ZNF777: variants seen among roughly 807,000 people sequenced by gnomAD.
ZNF777 encodes zinc finger protein 777.
A neutral mutation model predicts 72.1 loss-of-function variants in ZNF777; 7 were observed. That is an observed-to-expected ratio of 0.10 (90% confidence interval 0.06 to 0.18). The LOEUF (loss-of-function observed/expected upper bound fraction) is 0.18, where lower values mean the gene tolerates loss of function less well. Among genes scored for constraint, ZNF777 ranks in the 10% least tolerant of loss-of-function variants. The probability of loss-of-function intolerance (pLI) is 1.00; values close to 1 mark genes in which losing one functional copy is unlikely to be tolerated. For synonymous variants in ZNF777, 545 were observed against 483.5 expected (o/e 1.13, Z -1.67); for missense variants, 828 against 1,128.6 (o/e 0.73, Z 3.82).
chr7:149,437,420 C>T (rs1799432945), intron 4 of ZNF777, among the ~76,000 whole-genome samples: 2 of 152,202 alleles, frequency 1.3e-5, no homozygotes, highest in Non-Finnish European at 2.9e-5. Context: ...TCCCACCCTT[C>T]GGCCCCATAC....
chr7:149,448,776 G>A (rs529701089), intron 4 of ZNF777, among the ~76,000 whole-genome samples: 1 of 151,734 alleles, frequency 6.6e-6, no homozygotes, highest in African/African-American at 2.4e-5. Context: ...ATGGTGCCTG[G>A]CTTCTCTGGC....
intron 4 of ZNF777, among the ~76,000 whole-genome samples, chr7:149,442,598 C>T (rs996095671): frequency 1.3e-5 from 2 of 149,510 alleles, no homozygotes; most frequent in Non-Finnish European, 3.0e-5. Context: ...CCAGCCTGGG[C>T]AACAGAGTGA....
chr7:149,439,457 A>G (rs1799470615), intron 4 of ZNF777, among the ~76,000 whole-genome samples: 2 of 152,218 alleles, frequency 1.3e-5, no homozygotes, highest in African/African-American at 4.8e-5. Context: ...GATACTTTGA[A>G]ATAAACTCTT....
At chr7:149,457,164 C>T (rs1799849937) in intron 1 of ZNF777, among the ~76,000 whole-genome samples, 1 of 152,220 alleles carries the variant, frequency 6.6e-6, no homozygotes, top group South Asian at 2.1e-4. Flanking sequence ...CCCACGCTCT[C>T]CTTGTTCCTC....
At position 149,436,958 on chromosome 7, in the gene ZNF777, T is replaced by C; in HGVS notation, c.1088-132A>G. ...TTAGAGACCCTGAAGAAATGTAATA[T>C]TGAGTTGGAAATGAGTAGACACAGA... is the stretch of plus-strand genomic sequence containing the variant. On this transcript the variant is annotated intron_variant, in intron 4 of 5. Coordinates refer to ENST00000247930, the MANE Select transcript of ZNF777 (RefSeq NM_015694.3). The surrounding 1 kb of genome is among the most constrained non-coding windows in gnomAD (Gnocchi z 5.0). The C allele has an allele frequency of 8.4e-7, 1 of 1,192,906 alleles. No individual in the cohort carries two copies. Among genetic ancestry groups the C allele is most frequent in the Non-Finnish European group, 1.2e-6 (1 of 864,272 alleles). 73.9% of individuals were successfully genotyped at this position (1,192,906 alleles called of 1,614,324 possible). A position where few individuals can be genotyped will look rare whatever the true frequency, so the allele number is the denominator to read the frequency against.
At position 149,455,941 on chromosome 7, in the gene ZNF777, G is replaced by A. The variant is rs368721909; in HGVS notation, c.82C>T (p.Pro28Ser). The A allele has an allele frequency of 8.7e-5, 141 of 1,613,568 alleles. No individual in the cohort carries two copies. Among genetic ancestry groups the A allele is most frequent in the Non-Finnish European group, 1.1e-4 (133 of 1,179,950 alleles). Residue 28 changes from proline to serine, a missense_variant, in exon 2 of 6, where the codon CCC becomes TCC. Physicochemically the swap from Pro to Ser is moderately conservative, Grantham distance 74. Coordinates refer to ENST00000247930, the MANE Select transcript of ZNF777 (RefSeq NM_015694.3). This position sits in a 1 kb window ranked among gnomAD's most constrained non-coding sequence, Gnocchi z 4.2. ...CGGGATTGGAACAGAGTTTCTCGGG[G>A]GAGTCCAGCAGGGGCCTGACGTAAG... The part of the protein sequence containing the change: ...ETLRQAPAGL[P>S]RETLFQSRVL...
rs1197871142 is a variant in ZNF777 at position 149,431,525 on chromosome 7, A to T, written c.*251T>A. 2.0e-5 allele frequency: 9 copies of T among 455,734 alleles called. No individual in the cohort carries two copies. The highest frequency in any genetic ancestry group is 1.4e-4 in the South Asian group (9 of 63,486). 28.2% of individuals were successfully genotyped at this position (455,734 alleles called of 1,614,324 possible). A position where few individuals can be genotyped will look rare whatever the true frequency, so the allele number is the denominator to read the frequency against. On this transcript the variant is annotated 3_prime_UTR_variant, in exon 6 of 6. Transcript: ENST00000247930. Reference sequence around the variant, plus strand: ...ATTGGTTTCATCCATTTTATTGTCAAGGAAATTAACAGCCCGAAAGGGTTC... The same window carrying T: ...ATTGGTTTCATCCATTTTATTGTCATGGAAATTAACAGCCCGAAAGGGTTC...
intron 3 of ZNF777, among the ~76,000 whole-genome samples, chr7:149,453,149 T>C (rs921394438): frequency 2.6e-5 from 4 of 152,106 alleles, no homozygotes; most frequent in Non-Finnish European, 4.4e-5. Context: ...CAAAAAAAGA[T>C]GAGAGAGAAC....
chr7:149,456,767 G>T (rs1465326107), intron 1 of ZNF777, among the ~76,000 whole-genome samples: 2 of 152,170 alleles, frequency 1.3e-5, no homozygotes, highest in Non-Finnish European at 2.9e-5. Flanking sequence ...TTTGATAACA[G>T]TTGCATTGCA....
intron 4 of ZNF777, among the ~76,000 whole-genome samples, chr7:149,443,847 C>A (rs1799564404): frequency 1.3e-5 from 2 of 152,210 alleles, no homozygotes; most frequent in African/African-American, 4.8e-5. Context: ...CCTGCCTCGG[C>A]CTCCCAAACT....
At position 149,460,146 on chromosome 7, in the gene ZNF777, T is replaced by G. The variant is rs937571774; in HGVS notation, c.-16+669A>C. On this transcript the variant is annotated intron_variant, in intron 1 of 5. Transcript: ENST00000247930. This position sits in a 1 kb window ranked among gnomAD's most constrained non-coding sequence, Gnocchi z 6.1. The stretch of plus-strand genomic sequence containing the variant: ...ACAGGAGCCGGGGCCGCCTCGGCCA[T>G]GGCCCTGCGCTGTCCGGCCCGGGCC... The G allele has an allele frequency of 1.0e-6, 1 of 976,636 alleles. No homozygotes were observed. Among genetic ancestry groups the G allele is most frequent in the Admixed American group, 6.3e-5 (1 of 15,854 alleles). 60.5% of individuals were successfully genotyped at this position (976,636 alleles called of 1,614,324 possible).
At position 149,431,672 on chromosome 7, in the gene ZNF777, G is replaced by C. The variant is rs776717957; in HGVS notation, c.*104C>G. 7.5e-5 allele frequency: 82 copies of C among 1,094,916 alleles called. No homozygotes were observed. The highest frequency in any genetic ancestry group is 9.1e-5 in the Non-Finnish European group (79 of 871,628). 67.8% of individuals were successfully genotyped at this position (1,094,916 alleles called of 1,614,324 possible). A position where few individuals can be genotyped will look rare whatever the true frequency, so the allele number is the denominator to read the frequency against. On this transcript the variant is annotated 3_prime_UTR_variant, in exon 6 of 6. Transcript: ENST00000247930. The stretch of plus-strand genomic sequence containing the variant: ...GGAGAGGGGGAGCTCACGGCAAAGG[G>C]GCTGGGGGGCGCCCCGCCCCCGCCC...
rs914988262 is a variant in ZNF777, at chr7:149,460,336, C to G, written c.-16+479G>C. Among the ~76,000 whole-genome samples the G allele has an allele frequency of 5.5e-5, 8 of 145,872 alleles. No homozygotes were observed. Among genetic ancestry groups the G allele is most frequent in the Non-Finnish European group, 1.1e-4 (7 of 65,742 alleles). Reference sequence around the variant, plus strand: ...GCCTGCTCGGGGCGCGCGGGGCGAGCGGGCGCGGGGTCGCGGAGCCCGAGC... The same window carrying G: ...GCCTGCTCGGGGCGCGCGGGGCGAGGGGGCGCGGGGTCGCGGAGCCCGAGC... On this transcript the variant is annotated intron_variant, in intron 1 of 5. Transcript: ENST00000247930. This position sits in a 1 kb window ranked among gnomAD's most constrained non-coding sequence, Gnocchi z 6.1.
At chr7:149,443,313 G>A (rs1799555872) in intron 4 of ZNF777, among the ~76,000 whole-genome samples, 1 of 152,140 alleles carries the variant, frequency 6.6e-6, no homozygotes, top group South Asian at 2.1e-4. Flanking sequence ...TTTTTACAAT[G>A]ATAATGTGTA....
chr7:149,460,500 C>T lies in ZNF777; in HGVS notation c.-16+315G>A, dbSNP rs1230163099. 1.3e-5 allele frequency among the ~76,000 whole-genome samples: 2 copies of T among 150,238 alleles called. No individual in the cohort carries two copies. The highest frequency in any genetic ancestry group is 3.0e-5 in the Non-Finnish European group (2 of 67,430). ...GCGGCCGCGGCTGGGACCCCAGCTC[C>T]GGCCCCGGCCCCGGCTGCGAGCTGC... On this transcript the variant is annotated intron_variant, in intron 1 of 5. Coordinates refer to ENST00000247930, the MANE Select transcript of ZNF777 (RefSeq NM_015694.3). The surrounding 1 kb of genome is among the most constrained non-coding windows in gnomAD (Gnocchi z 6.1).
intron 3 of ZNF777, among the ~76,000 whole-genome samples, chr7:149,452,520 C>G (rs1323100867): frequency 6.6e-6 from 1 of 150,422 alleles, no homozygotes; most frequent in East Asian, 2.0e-4. Flanking sequence ...GTAGTCCCAG[C>G]TACTCGGGAG....
intron 4 of ZNF777, among the ~76,000 whole-genome samples, chr7:149,438,907 AC>A (rs968697806): frequency 2.0e-5 from 3 of 150,660 alleles, no homozygotes; most frequent in Non-Finnish European, 3.0e-5. Context: ...GTTCTCATTT[AC>A]CCCCCCGCCA....
At chr7:149,453,294 G>T (rs931256945) in intron 3 of ZNF777, among the ~76,000 whole-genome samples, 2 of 151,814 alleles carry the variant, frequency 1.3e-5, no homozygotes, top group Non-Finnish European at 2.9e-5. Context: ...AAAGAAAAAA[G>T]AATTTTAAAA....
chr7:149,432,600 T>G lies in ZNF777; in HGVS notation c.1672A>C (p.Lys558Gln). 6.2e-7 allele frequency: 1 copy of G among 1,612,934 alleles called. No individual in the cohort carries two copies. Among genetic ancestry groups the G allele is most frequent in the South Asian group, 1.1e-5 (1 of 91,022 alleles). Residue 558 changes from lysine to glutamine, a missense_variant, in exon 6 of 6, where the codon AAG becomes CAG. By Grantham distance (53) the Lys-to-Gln change is moderately conservative. Around this residue, in one of 12 missense-constraint regions of ZNF777, gnomAD observed 22 missense variants for 48.3 expected, o/e 0.46. Coordinates refer to ENST00000247930, the MANE Select transcript of ZNF777 (RefSeq NM_015694.3). ...CMECGKSFRLKINLIIHQRNH... is the reference protein window; with the variant it reads ...CMECGKSFRLQINLIIHQRNH... ...CGCTGGTGGATGATGAGGTTGATCTTCAGGCGGAAGCTCTTGCCGCACTCC... is the reference window on the plus strand; with the variant it reads ...CGCTGGTGGATGATGAGGTTGATCTGCAGGCGGAAGCTCTTGCCGCACTCC...
Sources: gnomAD v4.1 joint callset for allele counts (sites outside exome capture counted in the v4.1 genomes callset) on GRCh38, gnomAD v4.1.1 for gene constraint, gnomAD v4.1.1 regional missense constraint, Gnocchi (gnomAD v3.1) non-coding constraint, MANE v1.5 for transcripts, NCBI Gene and HGNC (gene_info 2026-07-23, HGNC 2026-07-21) for gene names.